ERC2: variants seen among roughly 807,000 people sequenced by gnomAD.
The protein encoded by ERC2 is ELKS/RAB6-interacting/CAST family member 2.
A neutral mutation model predicts 114.8 loss-of-function variants in ERC2; 42 were observed. The observed-to-expected ratio is 0.37, with a 90% CI of 0.29 to 0.47. ERC2 has a LOEUF of 0.47. Among genes scored for constraint, ERC2 ranks in the 20% least tolerant of loss-of-function variants. ERC2 has a pLI of 0.99. For missense variants in ERC2, 939 were observed against 1,150.7 expected, an observed-to-expected ratio of 0.82 and a Z score of 2.66; for synonymous variants, 454 against 425.5, an observed-to-expected ratio of 1.07 and a Z score of -0.82.
At chr3:56,400,931 T>A (rs2060495771) in intron 2 of ERC2, among the ~76,000 whole-genome samples, 1 of 152,222 alleles carries the variant, frequency 6.6e-6, no homozygotes, top group Non-Finnish European at 1.5e-5. Context: ...ACAATTTGTA[T>A]CAGCTTTATT....
chr3:55,845,197 C>T (rs1001336381), intron 14 of ERC2, among the ~76,000 whole-genome samples: 2 of 152,106 alleles, frequency 1.3e-5, no homozygotes, highest in Admixed American at 6.5e-5. Context: ...CTTGGGGACT[C>T]CTGTTATTAA....
At chr3:55,540,099 A>C (rs949336671) in intron 17 of ERC2, among the ~76,000 whole-genome samples, 3 of 152,154 alleles carry the variant, frequency 2.0e-5, no homozygotes, top group Non-Finnish European at 2.9e-5. Context: ...TTGGGAGATA[A>C]GGATCCTGGA....
intron 2 of ERC2, among the ~76,000 whole-genome samples, chr3:56,393,695 GAATA>G (rs1354532080): frequency 6.6e-6 from 1 of 152,170 alleles, no homozygotes. Flanking sequence ...ATGAATGAAT[GAATA>G]AACTGAATTG....
At chr3:55,803,253 T>A (rs1161377859) in intron 14 of ERC2, among the ~76,000 whole-genome samples, 1 of 152,200 alleles carries the variant, frequency 6.6e-6, no homozygotes, top group African/African-American at 2.4e-5. Flanking sequence ...TAAAATTACA[T>A]AATTAAAATT....
At chr3:56,340,580 T>TGTGTGTG (rs2058051260) in intron 2 of ERC2, among the ~76,000 whole-genome samples, 6 of 33,398 alleles carry the variant, frequency 1.8e-4, no homozygotes, top group South Asian at 2.4e-3. Context: ...GTGTGTGTGT[T>TGTGTGTG]TAATCTCACT....
chr3:55,802,683 C>A (rs1443238601), intron 14 of ERC2, among the ~76,000 whole-genome samples: 7 of 152,140 alleles, frequency 4.6e-5, no homozygotes, highest in African/African-American at 1.4e-4. Flanking sequence ...AACACACAGA[C>A]AAAATCTTCA....
chr3:55,882,136 G>C (rs764283503), intron 14 of ERC2, among the ~76,000 whole-genome samples: 2 of 152,158 alleles, frequency 1.3e-5, no homozygotes, highest in African/African-American at 2.4e-5. Flanking sequence ...CTCTCCCTTG[G>C]GGGTGAGTGA....
intron 14 of ERC2, among the ~76,000 whole-genome samples, chr3:55,790,770 A>G (rs2069943114): frequency 6.6e-6 from 1 of 152,248 alleles, no homozygotes; most frequent in Non-Finnish European, 1.5e-5. Flanking sequence ...ATCAGTGGAC[A>G]GCAGCCATGC....
rs548923459 is a variant in ERC2, at chr3:56,306,681, G to A, written c.658-10246C>T. Among the ~76,000 whole-genome samples, 6 of 152,246 alleles carry A rather than the reference G, an allele frequency of 3.9e-5. No homozygotes were observed. The East Asian group carries it at 5.8e-4, about 15-fold the overall frequency. Reference sequence around the variant, plus strand: ...GTATTATATACCATAATTTACATACGTGTTCTTTTGTACCTATCCAACAGC... The same window carrying A: ...GTATTATATACCATAATTTACATACATGTTCTTTTGTACCTATCCAACAGC... On this transcript the variant is annotated intron_variant, in intron 2 of 17. Transcript: ENST00000288221.
chr3:55,590,133 G>A (rs2057800683), intron 17 of ERC2, among the ~76,000 whole-genome samples: 1 of 152,142 alleles, frequency 6.6e-6, no homozygotes, highest in African/African-American at 2.4e-5. Flanking sequence ...GCAATTGTAG[G>A]ATAACGATGG....
chr3:55,671,056 G>A (rs1208177415), intron 17 of ERC2, among the ~76,000 whole-genome samples: 1 of 152,168 alleles, frequency 6.6e-6, no homozygotes, highest in African/African-American at 2.4e-5. Context: ...ATGGCAGCAA[G>A]GTTGCTCTAA....
At chr3:55,777,780 A>C (rs896513124) in intron 14 of ERC2, among the ~76,000 whole-genome samples, 3 of 152,174 alleles carry the variant, frequency 2.0e-5, no homozygotes, top group Non-Finnish European at 2.9e-5. Flanking sequence ...CCTGTATATA[A>C]ATTTTACTTT....
intron 14 of ERC2, among the ~76,000 whole-genome samples, chr3:55,800,459 T>A (rs1360784539): frequency 2.0e-5 from 3 of 152,024 alleles, no homozygotes; most frequent in Non-Finnish European, 4.4e-5. Context: ...ATGTTTTAAG[T>A]CACCACTAAG....
chr3:55,850,050 T>C (rs2061506960), intron 14 of ERC2, among the ~76,000 whole-genome samples: 1 of 152,222 alleles, frequency 6.6e-6, no homozygotes, highest in Non-Finnish European at 1.5e-5. Flanking sequence ...TTTTTCCTAA[T>C]TTCTGGTGAT....
At chr3:55,827,304 A>G (rs2060365754) in intron 14 of ERC2, among the ~76,000 whole-genome samples, 1 of 139,014 alleles carries the variant, frequency 7.2e-6, no homozygotes, top group Non-Finnish European at 1.5e-5. Context: ...AGGAAGAGAA[A>G]GAAAGAAAGA....
At chr3:55,531,387 G>A (rs193256717) in intron 17 of ERC2, among the ~76,000 whole-genome samples, 7 of 152,236 alleles carry the variant, frequency 4.6e-5, no homozygotes, top group Admixed American at 3.3e-4. Context: ...TAACTTCTAG[G>A]AAAAGGAAGC....
chr3:55,566,916 G>C (rs2056412970), intron 17 of ERC2, among the ~76,000 whole-genome samples: 1 of 152,004 alleles, frequency 6.6e-6, no homozygotes, highest in Non-Finnish European at 1.5e-5. Flanking sequence ...GGCCAGGCTA[G>C]TCTGGAACTC....
intron 13 of ERC2, among the ~76,000 whole-genome samples, chr3:55,920,446 A>ACC (rs1553734038): frequency 5.5e-5 from 8 of 145,446 alleles, no homozygotes; most frequent in South Asian, 2.2e-4. Context: ...ACACACACAC[A>ACC]CCCCAAGTGA....
intron 7 of ERC2, among the ~76,000 whole-genome samples, chr3:56,032,971 A>AAG (rs758840065): frequency 4.1e-4 from 35 of 85,766 alleles, no homozygotes; most frequent in South Asian, 1.1e-3. Flanking sequence ...GAAAGAAAGA[A>AAG]AGAAAGAGAA....
Sources: gnomAD v4.1 joint callset for allele counts (sites outside exome capture counted in the v4.1 genomes callset) on GRCh38, gnomAD v4.1.1 for gene constraint, MANE v1.5 for transcripts, NCBI Gene and HGNC (gene_info 2026-07-23, HGNC 2026-07-21) for gene names.